The following CSMD3 variants were observed in gnomAD, a reference collection of about 807,000 sequenced individuals.
CSMD3 encodes CUB and sushi domain-containing protein 3.
In CSMD3, 177 loss-of-function variants were observed where a neutral mutation model predicts 435.2. That is an observed-to-expected ratio of 0.41 (90% confidence interval 0.36 to 0.46). The LOEUF (loss-of-function observed/expected upper bound fraction) is 0.46, where lower values mean the gene tolerates loss of function less well. Among genes scored for constraint, CSMD3 ranks in the 20% least tolerant of loss-of-function variants. The pLI is 0.34. For missense variants in CSMD3, 4,265 were observed against 4,504.6 expected (o/e 0.95, Z 1.52); for synonymous variants, 1,656 against 1,520.5 (o/e 1.09, Z -2.07).
chr8:112,253,892 C>T lies in CSMD3; in HGVS notation c.10110+361G>A, dbSNP rs191494553. On this transcript the variant is annotated intron_variant, in intron 63 of 70. Coordinates refer to ENST00000297405, the MANE Select transcript of CSMD3 (RefSeq NM_198123.2). ...GTCTCAGAAGTCTCTCCTTTAAACT[C>T]TTTTATCTTTACTTTTCTTCACTGT... Among the ~76,000 whole-genome samples, 496 of 152,012 alleles carry T rather than the reference C, an allele frequency of 3.3e-3. 3 individuals carry two copies. The highest frequency in any genetic ancestry group is 0.011 in the African/African-American group (468 of 41,510).
At chr8:112,267,346 T>C (rs1817046818) in intron 59 of CSMD3, among the ~76,000 whole-genome samples, 1 of 152,152 alleles carries the variant, frequency 6.6e-6, no homozygotes, top group African/African-American at 2.4e-5. Context: ...AATAGAGTTT[T>C]ATATTCAGGA....
At chr8:112,800,370 C>A in intron 12 of CSMD3, 96 bp from the exon 13 acceptor site, 1 of 872,198 alleles carries the variant, frequency 1.1e-6, no homozygotes, top group South Asian at 1.4e-5. Flanking sequence ...ACTTTCTTTG[C>A]TAGAAAAAAA....
intron 38 of CSMD3, among the ~76,000 whole-genome samples, chr8:112,367,068 A>T (rs937698359): frequency 7.2e-5 from 11 of 152,008 alleles, no homozygotes; most frequent in Non-Finnish European, 1.5e-4. Flanking sequence ...ACTTAGAAAA[A>T]CTGCACCAAT....
chr8:112,871,328 A>C (rs2081129106), intron 10 of CSMD3, among the ~76,000 whole-genome samples: 6 of 152,222 alleles, frequency 3.9e-5, no homozygotes, highest in Admixed American at 3.9e-4. Flanking sequence ...GTATTTCCAA[A>C]GTTTTAAAAA....
chr8:113,432,716 G>A (rs2094682389), intron 1 of CSMD3, among the ~76,000 whole-genome samples: 2 of 151,156 alleles, frequency 1.3e-5, no homozygotes, highest in South Asian at 2.1e-4. Flanking sequence ...AGTTATTTGA[G>A]TGAGGACAGC....
At chr8:112,920,995 GCGCA>G (rs1333393709) in intron 10 of CSMD3, among the ~76,000 whole-genome samples, 1,696 of 108,898 alleles carry the variant, frequency 0.016, 43 homozygotes, top group African/African-American at 0.06. Context: ...ATACGCGCGC[GCGCA>G]CACACACACA....
At chr8:113,188,311 C>T (rs1257384706) in intron 3 of CSMD3, among the ~76,000 whole-genome samples, 1 of 151,962 alleles carries the variant, frequency 6.6e-6, no homozygotes, top group Non-Finnish European at 1.5e-5. Context: ...GGTCACTCTT[C>T]AACTCAGATA....
intron 10 of CSMD3, among the ~76,000 whole-genome samples, chr8:112,905,542 A>C (rs1415414940): frequency 6.6e-6 from 1 of 151,400 alleles, no homozygotes; most frequent in Non-Finnish European, 1.5e-5. Context: ...CAAAACACAA[A>C]TTTATTTTAC....
intron 3 of CSMD3, among the ~76,000 whole-genome samples, chr8:113,244,452 A>C (rs554328402): frequency 6.6e-6 from 1 of 152,158 alleles, no homozygotes; most frequent in Admixed American, 6.5e-5. Flanking sequence ...AGTAGCTGGG[A>C]TTACAGGCAT....
At chr8:113,328,508 A>G (rs2094001545) in intron 1 of CSMD3, among the ~76,000 whole-genome samples, 1 of 151,870 alleles carries the variant, frequency 6.6e-6, no homozygotes, top group Non-Finnish European at 1.5e-5. Context: ...TCTGACCTAT[A>G]ATTTGCTAAC....
intron 5 of CSMD3, among the ~76,000 whole-genome samples, chr8:113,050,313 T>C (rs571026218): frequency 6.6e-6 from 1 of 152,112 alleles, no homozygotes; most frequent in African/African-American, 2.4e-5. Context: ...AAAAAATTGA[T>C]TTATTCTGTA....
chr8:112,974,158 A>C, intron 7 of CSMD3, among the ~76,000 whole-genome samples: 1 of 151,920 alleles, frequency 6.6e-6, no homozygotes, highest in East Asian at 1.9e-4. Flanking sequence ...GCTTAATTAA[A>C]ATTTACTTGA....
At chr8:113,103,647 T>C (rs2131567559) in intron 4 of CSMD3, among the ~76,000 whole-genome samples, 1 of 152,180 alleles carries the variant, frequency 6.6e-6, no homozygotes, top group East Asian at 1.9e-4. Flanking sequence ...GTTAAAAATG[T>C]TAGTAAACAT....
At chr8:113,276,799 C>T (rs2064487381) in intron 3 of CSMD3, among the ~76,000 whole-genome samples, 1 of 151,898 alleles carries the variant, frequency 6.6e-6, no homozygotes, top group South Asian at 2.1e-4. Context: ...GTATGATAAC[C>T]CATCCTTCAG....
At chr8:113,336,081 A>G (rs1232509620) in intron 1 of CSMD3, among the ~76,000 whole-genome samples, 1 of 151,990 alleles carries the variant, frequency 6.6e-6, no homozygotes. Flanking sequence ...TTAGTCCTAC[A>G]GGTTCTTGAT....
At chr8:113,433,052 G>A (rs927904312) in intron 1 of CSMD3, among the ~76,000 whole-genome samples, 1 of 152,152 alleles carries the variant, frequency 6.6e-6, no homozygotes, top group South Asian at 2.1e-4. Context: ...ATTCCCACAG[G>A]AAATAGATGT....
chr8:113,138,921 T>C (rs987366810), intron 4 of CSMD3, among the ~76,000 whole-genome samples: 2 of 151,172 alleles, frequency 1.3e-5, no homozygotes, highest in Non-Finnish European at 3.0e-5. Context: ...AATTATTATA[T>C]AATGTTTAGT....
In CSMD3 at chr8:112,794,944, C is replaced by A. The variant is rs2078790856; in HGVS notation, c.1972+5218G>T. ...TTTCTAACAAAATATAAGTGACCAG[C>A]ATTAATTGAAGAAGAGATCTGAAGA... is the stretch of plus-strand genomic sequence containing the variant. On this transcript the variant is annotated intron_variant, in intron 13 of 70. Transcript: ENST00000297405. Among the ~76,000 whole-genome samples, 5 of 151,826 alleles carry A rather than the reference C, an allele frequency of 3.3e-5. 1 individual carries two copies. The South Asian group carries it at 1.0e-3, about 32-fold the overall frequency.
At chr8:112,369,729 G>T (rs907281719) in intron 38 of CSMD3, among the ~76,000 whole-genome samples, 3 of 151,824 alleles carry the variant, frequency 2.0e-5, no homozygotes, top group Non-Finnish European at 4.4e-5. Flanking sequence ...GGGTGCAAGG[G>T]CAGGGAGAGC....
Sources: allele counts gnomAD v4.1 joint callset (sites outside exome capture counted in the v4.1 genomes callset), GRCh38; gene constraint gnomAD v4.1.1; transcripts MANE v1.5; gene names NCBI Gene and HGNC (gene_info 2026-07-23, HGNC 2026-07-21).